The following CHD6 variants were observed in gnomAD, a reference collection of about 807,000 sequenced individuals.
CHD6 encodes ATP-dependent chromatin remodeler CHD6.
Under a neutral mutation model 276.9 loss-of-function variants are expected in CHD6, and 50 were observed. The ratio of observed to expected loss-of-function variants is 0.18; its 90% CI spans 0.14 to 0.23. The LOEUF is 0.23. CHD6 is among the 10% of genes least tolerant of loss of function. The pLI, the probability that CHD6 is intolerant of heterozygous loss-of-function variation, is 1.00. For synonymous variants in CHD6, 1,173 were observed against 1,229.3 expected, an observed-to-expected ratio of 0.95 and a Z score of 0.96; for missense variants, 2,564 against 3,365.8, an observed-to-expected ratio of 0.76 and a Z score of 5.89.
chr20:41,420,672 G>A lies in CHD6; in HGVS notation c.5963C>T (p.Pro1988Leu), dbSNP rs564198550. 49 of 1,614,168 alleles carry A rather than the reference G, an allele frequency of 3.0e-5. No homozygotes were observed. In the Middle Eastern group the frequency reaches 4.9e-4, roughly 16 times the overall value. The change falls in exon 31 of 37, where the codon CCG (proline) becomes CTG (leucine). Residue 1988 changes from proline to leucine, a missense_variant. By Grantham distance (98) the Pro-to-Leu change is moderately conservative. Transcript: ENST00000373233. ...EGEPTAIPSQ[P>L]FKVKHELLKE... is the part of the protein sequence containing the mutation. The stretch of plus-strand genomic sequence containing the variant: ...TAAAAGCTCATGCTTCACTTTAAAC[G>A]GCTGTGATGGAATAGCAGTGGGTTC...
chr20:41,408,181 C>T (rs1218138216), intron 36 of CHD6, among the ~76,000 whole-genome samples: 2 of 150,818 alleles, frequency 1.3e-5, no homozygotes, highest in Non-Finnish European at 3.0e-5. Flanking sequence ...TGGAAGAAAC[C>T]CCTGAAACTG....
At chr20:41,555,122 T>A (rs2045206134) in intron 1 of CHD6, among the ~76,000 whole-genome samples, 2 of 112,546 alleles carry the variant, frequency 1.8e-5, no homozygotes, top group East Asian at 3.1e-4. Context: ...CCCCCCCACC[T>A]CCCTCCCCGA....
rs560600611 is a variant in CHD6, at chr20:41,544,239, C to CA, written c.33+7065dup. On this transcript the variant is annotated intron_variant, in intron 2 of 36. Transcript: ENST00000373233. ...TGGGCAACAAAGCAAAACTCTGTCT[C>CA]AAAAAAAAACAAAGTTAGGCAGAGG... Among the ~76,000 whole-genome samples the CA allele has an allele frequency of 1.1e-3, 172 of 149,606 alleles. No homozygotes were observed. The East Asian group carries it at 0.013, about 12-fold the overall frequency.
intron 1 of CHD6, among the ~76,000 whole-genome samples, chr20:41,602,888 G>A (rs1299954868): frequency 6.6e-6 from 1 of 151,988 alleles, no homozygotes; most frequent in African/African-American, 2.4e-5. Flanking sequence ...TCAATATGCT[G>A]ACCAGGCTGG....
intron 2 of CHD6, among the ~76,000 whole-genome samples, chr20:41,539,513 G>A (rs1037444572): frequency 6.6e-6 from 1 of 152,166 alleles, no homozygotes; most frequent in African/African-American, 2.4e-5. Flanking sequence ...TCAGGATAGA[G>A]AAGTATCCAG....
intron 1 of CHD6, among the ~76,000 whole-genome samples, chr20:41,602,718 A>C (rs2045786148): frequency 6.6e-6 from 1 of 152,136 alleles, no homozygotes; most frequent in Non-Finnish European, 1.5e-5. Context: ...TATTTCAGTA[A>C]AACTTTTTTT....
intron 2 of CHD6, among the ~76,000 whole-genome samples, chr20:41,540,127 CCAGAGG>C: frequency 6.6e-6 from 1 of 152,144 alleles, no homozygotes. Context: ...ATGTAAGCTT[CCAGAGG>C]CAGTGATTCT....
chr20:41,534,953 T>G (rs1031944853), intron 2 of CHD6, among the ~76,000 whole-genome samples: 1 of 152,168 alleles, frequency 6.6e-6, no homozygotes, highest in Non-Finnish European at 1.5e-5. Flanking sequence ...AGTGCAGAGC[T>G]GTCCTCGGAA....
At position 41,618,351 on chromosome 20, in the gene CHD6, C is replaced by T. The variant is rs1055930377; in HGVS notation, c.-35G>A. On this transcript the variant is annotated 5_prime_UTR_variant, in exon 1 of 37. Transcript: ENST00000373233. ...AGAGAAGAACTTACCTAAAATGGCT[C>T]CTGCAGCAGCCAAAATACAAACAGC... is the stretch of plus-strand genomic sequence containing the variant. 2.0e-5 allele frequency: 3 copies of T among 152,014 alleles called. No homozygotes were observed. The highest frequency in any genetic ancestry group is 7.2e-5 in the African/African-American group (3 of 41,406). 9.4% of individuals were successfully genotyped at this position (152,014 alleles called of 1,614,324 possible).
intron 2 of CHD6, among the ~76,000 whole-genome samples, chr20:41,540,162 G>A (rs2044913868): frequency 6.6e-6 from 1 of 152,150 alleles, no homozygotes; most frequent in South Asian, 2.1e-4. Context: ...ATCTAGAAAA[G>A]TACCTGGCTT....
chr20:41,517,556 A>G (rs2044282280), intron 3 of CHD6, among the ~76,000 whole-genome samples: 1 of 152,238 alleles, frequency 6.6e-6, no homozygotes, highest in Admixed American at 6.5e-5. Context: ...GGAAAAAGCA[A>G]AAGTTCTTCC....
chr20:41,418,415 G>C (rs568061740), intron 31 of CHD6, among the ~76,000 whole-genome samples: 11 of 152,272 alleles, frequency 7.2e-5, no homozygotes, highest in African/African-American at 2.6e-4. Context: ...GGGTATTGTG[G>C]ACATGCTGAG....
chr20:41,515,752 T>C (rs1474234611), intron 3 of CHD6, among the ~76,000 whole-genome samples: 1 of 152,258 alleles, frequency 6.6e-6, no homozygotes, highest in African/African-American at 2.4e-5. Context: ...CTATCCTGGA[T>C]AAATGAGTAT....
intron 31 of CHD6, among the ~76,000 whole-genome samples, chr20:41,420,101 C>T (rs1298707048): frequency 6.6e-6 from 1 of 152,126 alleles, no homozygotes; most frequent in African/African-American, 2.4e-5. Flanking sequence ...TATTTTTGTT[C>T]AGTTCCTGAA....
chr20:41,576,436 G>A (rs192061001), intron 1 of CHD6, among the ~76,000 whole-genome samples: 22 of 152,220 alleles, frequency 1.4e-4, no homozygotes, highest in Admixed American at 1.4e-3. Context: ...GTGTAATCCA[G>A]GTACTTTGGG....
chr20:41,581,245 T>C (rs1013104337), intron 1 of CHD6, among the ~76,000 whole-genome samples: 1 of 152,162 alleles, frequency 6.6e-6, no homozygotes. Context: ...ATGAGGACAT[T>C]GAAGCACAAG....
At chr20:41,576,935 A>C (rs1418258096) in intron 1 of CHD6, among the ~76,000 whole-genome samples, 1 of 152,218 alleles carries the variant, frequency 6.6e-6, no homozygotes. Context: ...AGAAAGAGAA[A>C]GGTGGTTAAC....
At position 41,457,310 on chromosome 20, in the gene CHD6, T is replaced by C; in HGVS notation, c.2783A>G (p.Asp928Gly). 1 of 1,614,158 alleles carries C rather than the reference T, an allele frequency of 6.2e-7. No homozygotes were observed. The highest frequency in any genetic ancestry group is 8.5e-7 in the Non-Finnish European group (1 of 1,179,972). ...FDKASLKLGL[D>G]KAVLQDINRK... ...GTTGATGTCCTGAAGAACAGCCTTG[T>C]CCAGCCCCAGCTTTAGGCTGGCCTT... is the stretch of plus-strand genomic sequence containing the variant. Residue 928 changes from aspartate (D) to glycine (G), a missense_variant, in exon 18 of 37, where the codon GAC becomes GGC. Around this residue, in one of 7 missense-constraint regions of CHD6, gnomAD observed 457 missense variants for 889.0 expected, o/e 0.51. Transcript: ENST00000373233.
chr20:41,468,382 T>C (rs1251537247), intron 17 of CHD6, among the ~76,000 whole-genome samples: 3 of 152,168 alleles, frequency 2.0e-5, no homozygotes, highest in Non-Finnish European at 2.9e-5. Flanking sequence ...AGTGCTGGGA[T>C]TACAGGCATG....
Sources: gnomAD v4.1 joint callset for allele counts (sites outside exome capture counted in the v4.1 genomes callset) on GRCh38, gnomAD v4.1.1 for gene constraint, gnomAD v4.1.1 regional missense constraint, MANE v1.5 for transcripts, NCBI Gene and HGNC (gene_info 2026-07-23, HGNC 2026-07-21) for gene names.